The following FHIP1A variants were observed in gnomAD, a reference collection of about 807,000 sequenced individuals.
FHIP1A encodes FHF complex subunit HOOK interacting protein 1A.
A neutral mutation model predicts 88.6 loss-of-function variants in FHIP1A; 61 were observed. The ratio of observed to expected loss-of-function variants is 0.69; its 90% CI spans 0.56 to 0.85. The LOEUF (loss-of-function observed/expected upper bound fraction) is 0.85. Ranked by LOEUF, FHIP1A falls within the 40% of genes least tolerant of loss-of-function variation. The probability of loss-of-function intolerance (pLI) is 0.00; values close to 1 mark genes in which losing one functional copy is unlikely to be tolerated. For synonymous variants in FHIP1A, 478 were observed against 496.0 expected, an observed-to-expected ratio of 0.96 and a Z score of 0.48; for missense variants, 1,154 against 1,273.5, an observed-to-expected ratio of 0.91 and a Z score of 1.43.
chr4:151,601,850 C>A (rs1361018046), intron 7 of FHIP1A, among the ~76,000 whole-genome samples: 6 of 151,648 alleles, frequency 4.0e-5, no homozygotes, highest in Non-Finnish European at 8.8e-5. Context: ...ATACCTGAGA[C>A]TGGGAAGAAA....
chr4:151,559,893 A>G (rs1578752942), intron 3 of FHIP1A, among the ~76,000 whole-genome samples: 1 of 152,128 alleles, frequency 6.6e-6, no homozygotes, highest in East Asian at 1.9e-4. Flanking sequence ...TTTTGTTATC[A>G]CAGAAGTCAC....
At chr4:151,618,183 A>G (rs1735613157) in intron 7 of FHIP1A, among the ~76,000 whole-genome samples, 1 of 152,264 alleles carries the variant, frequency 6.6e-6, no homozygotes, top group Admixed American at 6.5e-5. Context: ...GTGTCAAAAG[A>G]AAGTGGCTAG....
chr4:151,441,079 T>G (rs908062279), intron 1 of FHIP1A, among the ~76,000 whole-genome samples: 12 of 152,256 alleles, frequency 7.9e-5, no homozygotes, highest in Admixed American at 7.2e-4. Flanking sequence ...GTTTCTGGGC[T>G]CCCAAACACT....
chr4:151,494,964 G>T (rs1730408146), intron 3 of FHIP1A, among the ~76,000 whole-genome samples: 1 of 152,038 alleles, frequency 6.6e-6, no homozygotes, highest in Non-Finnish European at 1.5e-5. Flanking sequence ...TTGTATTCTT[G>T]CTTTGGCTTT....
At chr4:151,434,603 G>GT (rs1303632061) in intron 1 of FHIP1A, among the ~76,000 whole-genome samples, 1 of 152,154 alleles carries the variant, frequency 6.6e-6, no homozygotes, top group African/African-American at 2.4e-5. Context: ...AATCATTGCA[G>GT]TAAGAATTGG....
chr4:151,542,770 C>T (rs1449266063), intron 3 of FHIP1A, among the ~76,000 whole-genome samples: 1 of 152,152 alleles, frequency 6.6e-6, no homozygotes, highest in East Asian at 1.9e-4. Context: ...TTTTCCGCTC[C>T]CTACAGCATG....
chr4:151,411,632 G>C (rs1252176085), intron 1 of FHIP1A, among the ~76,000 whole-genome samples: 1 of 152,124 alleles, frequency 6.6e-6, no homozygotes, highest in Non-Finnish European at 1.5e-5. Flanking sequence ...TTACAGGTGT[G>C]AGCCACCATG....
intron 3 of FHIP1A, among the ~76,000 whole-genome samples, chr4:151,536,038 A>G (rs1278690228): frequency 3.3e-5 from 5 of 152,218 alleles, no homozygotes. Context: ...TGCCTTCTGG[A>G]AAGAGTGGGC....
At chr4:151,588,715 T>A in intron 6 of FHIP1A, 125 bp from the exon 7 acceptor site, 1 of 720,558 alleles carries the variant, frequency 1.4e-6, no homozygotes, top group Non-Finnish European at 2.5e-6. Flanking sequence ...TGTTCTTTAA[T>A]CACAGAATAA....
chr4:151,414,869 A>G (rs1732824705), intron 1 of FHIP1A, among the ~76,000 whole-genome samples: 1 of 152,238 alleles, frequency 6.6e-6, no homozygotes, highest in Admixed American at 6.5e-5. Flanking sequence ...CATACATGAT[A>G]CATATTATTC....
intron 1 of FHIP1A, among the ~76,000 whole-genome samples, chr4:151,450,262 T>TG (rs1728745547): frequency 6.6e-6 from 1 of 152,082 alleles, no homozygotes; most frequent in South Asian, 2.1e-4. Flanking sequence ...GCCTAATAGT[T>TG]TTTTTATATA....
chr4:151,601,450 T>C (rs1011526398), intron 7 of FHIP1A, among the ~76,000 whole-genome samples: 1 of 151,812 alleles, frequency 6.6e-6, no homozygotes, highest in Non-Finnish European at 1.5e-5. Context: ...CATAAGTAAA[T>C]TGCAGCTTAA....
chr4:151,441,230 C>T (rs933288809), intron 1 of FHIP1A, among the ~76,000 whole-genome samples: 10 of 151,908 alleles, frequency 6.6e-5, no homozygotes, highest in African/African-American at 2.4e-4. Context: ...CCCACAAAAC[C>T]ATGGTACAAA....
chr4:151,466,812 C>T (rs1397858990), intron 2 of FHIP1A, among the ~76,000 whole-genome samples: 1 of 152,098 alleles, frequency 6.6e-6, no homozygotes, highest in Admixed American at 6.5e-5. Flanking sequence ...TTTCCTTACA[C>T]CTTATAAAAA....
chr4:151,639,393 C>T (rs968816238), intron 9 of FHIP1A, among the ~76,000 whole-genome samples: 1 of 152,164 alleles, frequency 6.6e-6, no homozygotes, highest in African/African-American at 2.4e-5. Flanking sequence ...ATTCATTTGG[C>T]AGTTTAATAG....
intron 3 of FHIP1A, among the ~76,000 whole-genome samples, chr4:151,518,243 G>T (rs931330119): frequency 6.6e-6 from 1 of 152,052 alleles, no homozygotes; most frequent in Admixed American, 6.5e-5. Flanking sequence ...TTACCATCAT[G>T]TTACAGTTGC....
intron 7 of FHIP1A, among the ~76,000 whole-genome samples, chr4:151,599,016 A>C (rs750213104): frequency 3.9e-5 from 6 of 152,174 alleles, no homozygotes; most frequent in African/African-American, 1.4e-4. Context: ...GCAGATGTAC[A>C]TTACTTTTCT....
intron 2 of FHIP1A, among the ~76,000 whole-genome samples, chr4:151,460,029 G>A (rs903001154): frequency 1.3e-5 from 2 of 152,064 alleles, no homozygotes; most frequent in African/African-American, 4.8e-5. Context: ...GTTTTTAAGA[G>A]TTTAATTTTC....
chr4:151,443,695 GT>G (rs1350471671), intron 1 of FHIP1A, among the ~76,000 whole-genome samples: 6 of 149,400 alleles, frequency 4.0e-5, no homozygotes, highest in South Asian at 2.1e-4. Context: ...CTGTGTGTGT[GT>G]GTGTGTGTGT....
Sources: allele counts gnomAD v4.1 joint callset (sites outside exome capture counted in the v4.1 genomes callset), GRCh38; gene constraint gnomAD v4.1.1; transcripts MANE v1.5; gene names NCBI Gene and HGNC (gene_info 2026-07-23, HGNC 2026-07-21).